The following MBOAT1 variants were observed in gnomAD, a reference collection of about 807,000 sequenced individuals.
MBOAT1 encodes membrane bound glycerophospholipid O-acyltransferase 1, also known as membrane-bound glycerophospholipid O-acyltransferase 1.
Under a neutral mutation model 64.4 loss-of-function variants are expected in MBOAT1, and 67 were observed. The ratio of observed to expected loss-of-function variants is 1.04; its 90% confidence interval spans 0.85 to 1.27. The LOEUF (loss-of-function observed/expected upper bound fraction) is 1.27. MBOAT1 is among the 50% of genes most tolerant of loss of function. The pLI is 0.00. For missense variants in MBOAT1, 563 were observed against 604.6 expected (o/e 0.93, Z 0.72); for synonymous variants, 229 against 218.9 (o/e 1.05, Z -0.41).
intron 1 of MBOAT1, among the ~76,000 whole-genome samples, chr6:20,169,282 A>G (rs1762124123): frequency 6.6e-6 from 1 of 152,214 alleles, no homozygotes; most frequent in African/African-American, 2.4e-5. Context: ...GAAGTTCTCA[A>G]AAGTCTCAAA....
At chr6:20,119,374 T>C (rs1018038158) in intron 8 of MBOAT1, among the ~76,000 whole-genome samples, 2 of 152,228 alleles carry the variant, frequency 1.3e-5, no homozygotes, top group Admixed American at 6.5e-5. Context: ...AAGAGGCTAA[T>C]TGTCTCTTTC....
chr6:20,114,610 C>T (rs760620557), intron 10 of MBOAT1, among the ~76,000 whole-genome samples: 6 of 152,104 alleles, frequency 3.9e-5, no homozygotes, highest in South Asian at 4.1e-4. Flanking sequence ...GGGCTGGGTG[C>T]GGTGGCTCCC....
At chr6:20,194,287 C>T (rs932178088) in intron 1 of MBOAT1, among the ~76,000 whole-genome samples, 39 of 152,244 alleles carry the variant, frequency 2.6e-4, no homozygotes, top group African/African-American at 7.9e-4. Flanking sequence ...GTTAATGCAC[C>T]GATGGTGATA....
intron 11 of MBOAT1, among the ~76,000 whole-genome samples, chr6:20,111,893 T>TACATATATATATACA (rs1491191628): frequency 7.1e-6 from 1 of 140,664 alleles, no homozygotes; most frequent in Non-Finnish European, 1.5e-5. Context: ...TATATATATA[T>TACATATATATATACA]TCCAGCACAC....
intron 12 of MBOAT1, among the ~76,000 whole-genome samples, chr6:20,106,862 C>T (rs192157620): frequency 2.4e-4 from 36 of 152,264 alleles, no homozygotes; most frequent in African/African-American, 4.6e-4. Flanking sequence ...CCTGTTTCAT[C>T]CTAAACAAAG....
At chr6:20,205,639 G>C (rs1003300276) in intron 1 of MBOAT1, among the ~76,000 whole-genome samples, 5 of 152,088 alleles carry the variant, frequency 3.3e-5, no homozygotes, top group Non-Finnish European at 7.4e-5. Flanking sequence ...CAGGCTCTGA[G>C]GGACAGTCCC....
At chr6:20,198,446 T>C (rs1763024982) in intron 1 of MBOAT1, among the ~76,000 whole-genome samples, 1 of 152,168 alleles carries the variant, frequency 6.6e-6, no homozygotes, top group Non-Finnish European at 1.5e-5. Context: ...AAGACCCTCT[T>C]CAGGAAATGA....
In MBOAT1 at chr6:20,115,355, G is replaced by A; in HGVS notation, c.1012-3C>T. 2 of 1,611,952 alleles carry A rather than the reference G, an allele frequency of 1.2e-6. No homozygotes were observed. Among genetic ancestry groups the A allele is most frequent in the Non-Finnish European group, 1.7e-6 (2 of 1,178,142 alleles). On this transcript the variant is annotated splice_region_variant and splice_polypyrimidine_tract_variant and intron_variant, in intron 9 of 12. Transcript: ENST00000324607. Reference sequence around the variant, plus strand: ...TACATTTTGAAACTTGTGGCAGTCTGGAAAGAAGAAAATAACACCTATCAT... The same window carrying A: ...TACATTTTGAAACTTGTGGCAGTCTAGAAAGAAGAAAATAACACCTATCAT...
chr6:20,195,605 CTGTGTGTGTGTGTG>C (rs10540923), intron 1 of MBOAT1, among the ~76,000 whole-genome samples: 6 of 149,532 alleles, frequency 4.0e-5, no homozygotes, highest in South Asian at 4.2e-4. Flanking sequence ...AATAAATTGC[CTGTGTGTGTGTGTG>C]TGTGTGTGTG....
chr6:20,118,092 C>G (rs1760380571), intron 9 of MBOAT1, among the ~76,000 whole-genome samples: 1 of 152,114 alleles, frequency 6.6e-6, no homozygotes, highest in South Asian at 2.1e-4. Context: ...ACATTCGTCA[C>G]TGAAATAGGT....
At position 20,150,517 on chromosome 6, in the gene MBOAT1, C is replaced by T. The variant is rs539002089; in HGVS notation, c.323+668G>A. 2.6e-4 allele frequency among the ~76,000 whole-genome samples: 39 copies of T among 150,992 alleles called. No homozygotes were observed. The East Asian group carries it at 6.2e-3, about 24-fold the overall frequency. On this transcript the variant is annotated intron_variant, in intron 3 of 12. Transcript: ENST00000324607. ...GCATATTTGTTTTGAGATTTATCCA[C>T]GACATTGAGTATACCGATCTTTCAT...
At chr6:20,209,368 A>G (rs1763353845) in intron 1 of MBOAT1, among the ~76,000 whole-genome samples, 1 of 152,234 alleles carries the variant, frequency 6.6e-6, no homozygotes, top group Non-Finnish European at 1.5e-5. Flanking sequence ...ACTTTTCCTG[A>G]GTATAGTCCT....
At chr6:20,147,316 G>A (rs556254980) in intron 3 of MBOAT1, among the ~76,000 whole-genome samples, 2 of 152,382 alleles carry the variant, frequency 1.3e-5, no homozygotes, top group South Asian at 4.1e-4. Flanking sequence ...TGGTGAAGCA[G>A]TTATTCTAGG....
At chr6:20,108,451 G>A (rs1760023937) in intron 12 of MBOAT1, among the ~76,000 whole-genome samples, 2 of 152,100 alleles carry the variant, frequency 1.3e-5, no homozygotes, top group South Asian at 2.1e-4. Context: ...AGCATATATT[G>A]TAACAGCATG....
intron 1 of MBOAT1, among the ~76,000 whole-genome samples, chr6:20,183,441 C>T (rs1762563763): frequency 6.6e-6 from 1 of 152,228 alleles, no homozygotes; most frequent in Admixed American, 6.5e-5. Flanking sequence ...CACCCACTAA[C>T]TCCCTTTGCT....
At chr6:20,110,592 CA>C (rs932042899) in intron 11 of MBOAT1, among the ~76,000 whole-genome samples, 26 of 148,540 alleles carry the variant, frequency 1.8e-4, no homozygotes, top group African/African-American at 3.7e-4. Context: ...ACTAAGCAAA[CA>C]AAAAAAAAAT....
chr6:20,185,990 TAA>T (rs1762640457), intron 1 of MBOAT1, among the ~76,000 whole-genome samples: 1 of 152,178 alleles, frequency 6.6e-6, no homozygotes, highest in African/African-American at 2.4e-5. Context: ...AAGACCAGCC[TAA>T]GCAACAGAGC....
At chr6:20,208,909 T>C (rs1399936011) in intron 1 of MBOAT1, among the ~76,000 whole-genome samples, 1 of 152,210 alleles carries the variant, frequency 6.6e-6, no homozygotes. Flanking sequence ...AACTGTGCAC[T>C]ACACAAATTA....
rs141145950 is a variant in MBOAT1, at chr6:20,144,639, G to A, written c.324-324C>T. ...GGTGTAATGGCAGTGCGCAGCCAGG[G>A]CTGGGAATCACTACCTGTAAGGTCT... On this transcript the variant is annotated intron_variant, in intron 3 of 12. Transcript: ENST00000324607. Among the ~76,000 whole-genome samples, 4 of 152,310 alleles carry A rather than the reference G, an allele frequency of 2.6e-5. No individual in the cohort carries two copies. In the East Asian group the frequency reaches 7.7e-4, roughly 29 times the overall value.
Sources: allele counts gnomAD v4.1 joint callset (sites outside exome capture counted in the v4.1 genomes callset), GRCh38; gene constraint gnomAD v4.1.1; transcripts MANE v1.5; gene names NCBI Gene and HGNC (gene_info 2026-07-23, HGNC 2026-07-21).